Variants in UACA observed in about 807,000 individuals in gnomAD.
The protein encoded by UACA is uveal autoantigen with coiled-coil domains and ankyrin repeats.
Under a neutral mutation model 160.5 loss-of-function variants are expected in UACA, and 112 were observed. That is an observed-to-expected ratio of 0.70 (90% confidence interval 0.60 to 0.82). The LOEUF (loss-of-function observed/expected upper bound fraction) is 0.82, where lower values mean the gene tolerates loss of function less well. UACA is among the 40% of genes least tolerant of loss of function. UACA has a pLI of 0.00. For missense variants in UACA, 1,574 were observed against 1,614.6 expected, an observed-to-expected ratio of 0.97 and a Z score of 0.43; for synonymous variants, 557 against 568.4, an observed-to-expected ratio of 0.98 and a Z score of 0.29.
chr15:70,690,836 C>A (rs1366570431), intron 4 of UACA, among the ~76,000 whole-genome samples: 3 of 151,590 alleles, frequency 2.0e-5, no homozygotes, highest in Admixed American at 2.0e-4. Context: ...CAGGTGAGTT[C>A]TGCTATGAAA....
rs934005 is a variant in UACA at position 70,667,729 on chromosome 15, G to A, written c.2955C>T (p.Tyr985=). ...DTIQECIKVK[Y]APIVSFEECE... Reference sequence around the variant, plus strand: ...ACTCCTCAAAGCTGACAATTGGGGCGTATTTTACCTTAATGCATTCTTGTA... The same window carrying A: ...ACTCCTCAAAGCTGACAATTGGGGCATATTTTACCTTAATGCATTCTTGTA... Residue 985 remains tyrosine, a synonymous_variant, in exon 16 of 19, where the codon TAC becomes TAT. Coordinates refer to ENST00000322954, the MANE Select transcript of UACA (RefSeq NM_018003.4). 0.75 allele frequency: 1,206,589 copies of A among 1,613,738 alleles called. 460,451 individuals are homozygous for A. The highest frequency in any genetic ancestry group is 0.79 in the Non-Finnish European group (932,412 of 1,179,940).
intron 9 of UACA, chr15:70,681,977 C>T (rs551975158): frequency 6.6e-6 from 1 of 152,288 alleles, no homozygotes; most frequent in African/African-American, 2.4e-5. Context: ...ATTACTTTCT[C>T]TTCAGGGTTT....
At chr15:70,717,688 T>G (rs1387302752) in intron 1 of UACA, among the ~76,000 whole-genome samples, 1 of 152,206 alleles carries the variant, frequency 6.6e-6, no homozygotes, top group Non-Finnish European at 1.5e-5. Flanking sequence ...TTTTACTATC[T>G]GCAAAATTGC....
chr15:70,707,659 A>G (rs1898560293), intron 1 of UACA, among the ~76,000 whole-genome samples: 1 of 152,182 alleles, frequency 6.6e-6, no homozygotes, highest in Non-Finnish European at 1.5e-5. Flanking sequence ...AACAGGCATA[A>G]AAAGATATGT....
At chr15:70,723,316 G>A (rs946005214) in intron 1 of UACA, among the ~76,000 whole-genome samples, 2 of 152,176 alleles carry the variant, frequency 1.3e-5, no homozygotes, top group African/African-American at 4.8e-5. Flanking sequence ...CAACACAGTA[G>A]ACTTTGTCTT....
intron 13 of UACA, 101 bp from the exon 14 acceptor site, chr15:70,672,102 T>A (rs1897158408): frequency 1.0e-6 from 1 of 987,070 alleles, no homozygotes; most frequent in East Asian, 2.7e-5. Context: ...TAAAACTACA[T>A]TTTTGACATT....
At chr15:70,728,600 A>C (rs1351770958) in intron 1 of UACA, among the ~76,000 whole-genome samples, 2 of 151,712 alleles carry the variant, frequency 1.3e-5, no homozygotes. Context: ...TAGAAAAAAA[A>C]CCTAGGAAAT....
At chr15:70,671,004 TG>T in intron 15 of UACA, 34 bp downstream of exon 15, 1 of 1,443,490 alleles carries the variant, frequency 6.9e-7, no homozygotes, top group Non-Finnish European at 9.3e-7. Flanking sequence ...TTTCTTTAAA[TG>T]TTTTTTAAAA....
intron 1 of UACA, among the ~76,000 whole-genome samples, chr15:70,752,795 C>T (rs2030171417): frequency 6.6e-6 from 1 of 152,132 alleles, no homozygotes; most frequent in Non-Finnish European, 1.5e-5. Flanking sequence ...ACACACACCC[C>T]TCCAAATAAA....
rs200132897 is a variant in UACA at position 70,664,801 on chromosome 15, A to G, written c.3974T>C (p.Leu1325Pro). 1 of 1,612,156 alleles carries G rather than the reference A, an allele frequency of 6.2e-7. No homozygotes were observed. Among genetic ancestry groups the G allele is most frequent in the South Asian group, 1.1e-5 (1 of 90,868 alleles). Residue 1325 changes from leucine to proline, a missense_variant, in exon 17 of 19, where the codon CTT (leucine) becomes CCT (proline). Transcript: ENST00000322954. ...EAKDNKITEL[L>P]NDVERLKQAL... is the part of the protein sequence containing the mutation. ...CTGTTTTAATCTTTCCACATCATTA[A>G]GCAGTTCAGTTATCTTTAAAAAAAT...
chr15:70,679,657 T>C lies in UACA; in HGVS notation c.842A>G (p.Gln281Arg). The C allele has an allele frequency of 6.3e-7, 1 of 1,590,724 alleles. No homozygotes were observed. Among genetic ancestry groups the C allele is most frequent in the South Asian group, 1.1e-5 (1 of 88,130 alleles). ...SLQQRNLTHM[Q>R]DEVNVKSHQR... ...ATGTGACTTCACATTTACTTCATCT[T>C]GCATGTGTGTCAAATTTCGCTTTGG... Residue 281 changes from glutamine to arginine, a missense_variant, in exon 10 of 19, where the codon CAA (glutamine) becomes CGA (arginine). Transcript: ENST00000322954.
At position 70,715,906 on chromosome 15, in the gene UACA, G is replaced by A. The variant is rs1898807353; in HGVS notation, c.79-16246C>T. Among the ~76,000 whole-genome samples, 5 of 152,158 alleles carry A rather than the reference G, an allele frequency of 3.3e-5. No homozygotes were observed. The South Asian group carries it at 1.0e-3, about 32-fold the overall frequency. On this transcript the variant is annotated intron_variant, in intron 1 of 18. Coordinates refer to ENST00000322954, the MANE Select transcript of UACA (RefSeq NM_018003.4). ...TTAAACTTGAAGAAGAACCCTTCAA[G>A]TTAAGTCAAACTGTTATTTCTACTT...
chr15:70,663,844 G>A (rs1196685243), intron 17 of UACA, among the ~76,000 whole-genome samples: 2 of 122,048 alleles, frequency 1.6e-5, no homozygotes, highest in African/African-American at 6.2e-5. Context: ...ACAGGAAGGG[G>A]AACATCACAC....
At chr15:70,724,724 T>C (rs920635545) in intron 1 of UACA, among the ~76,000 whole-genome samples, 6 of 152,068 alleles carry the variant, frequency 3.9e-5, no homozygotes, top group African/African-American at 1.4e-4. Flanking sequence ...GATTAAACTC[T>C]TTCTCTATAT....
chr15:70,772,449 C>T, the UACA span, among the ~76,000 whole-genome samples: 1 of 142,502 alleles, frequency 7.0e-6, no homozygotes, highest in Non-Finnish European at 1.5e-5. Flanking sequence ...GCCAAGGTTG[C>T]GCCACTGCAC....
At chr15:70,703,268 A>C (rs1441742147) in intron 1 of UACA, 1 of 1,287,132 alleles carries the variant, frequency 7.8e-7, no homozygotes, top group Non-Finnish European at 1.0e-6. Context: ...ATTTGTGAAA[A>C]TTGTTTCATG....
At position 70,763,502 on chromosome 15, in the gene UACA, G is replaced by C; in HGVS notation, c.-95C>G. On this transcript the variant is annotated 5_prime_UTR_variant, in exon 1 of 19. Transcript: ENST00000322954. Reference sequence around the variant, plus strand: ...GCAGCGGCTGCAGCAGAGGCGGCGCGGGCTGTACCAGCCCCACCTGCCTGC... The same window carrying C: ...GCAGCGGCTGCAGCAGAGGCGGCGCCGGCTGTACCAGCCCCACCTGCCTGC... The C allele has an allele frequency of 8.0e-7, 1 of 1,256,700 alleles. No homozygotes were observed. The highest frequency in any genetic ancestry group is 1.0e-6 in the Non-Finnish European group (1 of 994,348). The allele number at this position is 1,256,700 out of a possible 1,614,324, so 77.8% of individuals were successfully genotyped here.
intron 1 of UACA, among the ~76,000 whole-genome samples, chr15:70,720,606 G>C (rs1474422636): frequency 6.6e-6 from 1 of 152,200 alleles, no homozygotes; most frequent in African/African-American, 2.4e-5. Context: ...GATAAAAGAC[G>C]TAGAAATCCT....
chr15:70,753,617 T>C (rs147516651), intron 1 of UACA, among the ~76,000 whole-genome samples: 33 of 152,330 alleles, frequency 2.2e-4, no homozygotes, highest in African/African-American at 5.8e-4. Flanking sequence ...TACCTACTTC[T>C]TAGGGTTGCG....
Sources: gnomAD v4.1 joint callset for allele counts (sites outside exome capture counted in the v4.1 genomes callset) on GRCh38, gnomAD v4.1.1 for gene constraint, MANE v1.5 for transcripts, NCBI Gene and HGNC (gene_info 2026-07-23, HGNC 2026-07-21) for gene names.